Variants in TMEM132D observed in about 807,000 individuals in gnomAD.
TMEM132D encodes mature OL transmembrane protein.
In TMEM132D, 21 loss-of-function variants were observed where a neutral mutation model predicts 62.3. The ratio of observed to expected loss-of-function variants is 0.34; its 90% CI spans 0.24 to 0.49. The LOEUF (loss-of-function observed/expected upper bound fraction) is 0.49, where lower values mean the gene tolerates loss of function less well. Among genes scored for constraint, TMEM132D ranks in the 20% least tolerant of loss-of-function variants. The probability of loss-of-function intolerance (pLI) is 0.99; values close to 1 mark genes in which losing one functional copy is unlikely to be tolerated. For synonymous variants in TMEM132D, 621 were observed against 575.6 expected (o/e 1.08, Z -1.13); for missense variants, 1,346 against 1,402.8 (o/e 0.96, Z 0.65).
chr12:129,420,306 G>GTTTTTTTTTTTTTTTTTTTT lies in TMEM132D; in HGVS notation c.1116-82509_1116-82490dup, dbSNP rs71082709. ...AATTTCAAATTATTGCACGTTCTCT[G>GTTTTTTTTTTTTTTTTTTTT]TTTTTTTTTTTTTTTTTTTTTTTTG... On this transcript the variant is annotated intron_variant, in intron 3 of 8. Coordinates refer to ENST00000422113, the MANE Select transcript of TMEM132D (RefSeq NM_133448.3). 3.5e-4 allele frequency among the ~76,000 whole-genome samples: 39 copies of GTTTTTTTTTTTTTTTTTTTT among 112,296 alleles called. 3 individuals are homozygous for GTTTTTTTTTTTTTTTTTTTT. The highest frequency in any genetic ancestry group is 7.2e-4 in the East Asian group (2 of 2,796). The allele number at this position is 112,296 out of a possible 152,430, so 73.7% of individuals were successfully genotyped here.
Position 129,324,862 on chromosome 12 carries a change from T to C in TMEM132D, c.1299+12772A>G, listed in dbSNP as rs1417472772. ...AGAAAAAAAGTGATAACTACTTTAA[T>C]TTTTTTGCATGTGAATATCCCCAAA... On this transcript the variant is annotated intron_variant, in intron 4 of 8. Transcript: ENST00000422113. Among the ~76,000 whole-genome samples, 4 of 152,188 alleles carry C rather than the reference T, an allele frequency of 2.6e-5. No individual in the cohort carries two copies. In the East Asian group the frequency reaches 7.7e-4, roughly 29 times the overall value.
chr12:129,279,874 T>C (rs969539332), intron 4 of TMEM132D, among the ~76,000 whole-genome samples: 1 of 152,198 alleles, frequency 6.6e-6, no homozygotes, highest in Admixed American at 6.5e-5. Flanking sequence ...ATAATTCCAT[T>C]GTATCTGAAG....
intron 2 of TMEM132D, among the ~76,000 whole-genome samples, chr12:129,633,844 TG>T (rs1879411736): frequency 6.6e-6 from 1 of 152,214 alleles, no homozygotes; most frequent in South Asian, 2.1e-4. Flanking sequence ...ACAGTGGATT[TG>T]GAGCCTTTTG....
At chr12:129,527,884 A>T (rs1876094873) in intron 3 of TMEM132D, among the ~76,000 whole-genome samples, 1 of 152,246 alleles carries the variant, frequency 6.6e-6, no homozygotes, top group African/African-American at 2.4e-5. Context: ...ACAGGGAAGG[A>T]TGCAGTTAAA....
Position 129,073,679 on chromosome 12 carries a change from C to CTGTACTCTGGA in TMEM132D, c.*185_*195dup. ...CATGATAAACCTCTTAAGCAAGACA[C>CTGTACTCTGGA]TGTACTCTGGAATGTGTGCGTCGAT... On this transcript the variant is annotated 3_prime_UTR_variant, in exon 9 of 9. Coordinates refer to ENST00000422113, the MANE Select transcript of TMEM132D (RefSeq NM_133448.3). 2.0e-6 allele frequency: 1 copy of CTGTACTCTGGA among 511,740 alleles called. No individual in the cohort carries two copies. Among genetic ancestry groups the CTGTACTCTGGA allele is most frequent in the Non-Finnish European group, 3.4e-6 (1 of 293,954 alleles). The allele number at this position is 511,740 out of a possible 1,614,324, so 31.7% of individuals were successfully genotyped here.
Position 129,272,583 on chromosome 12 carries a change from G to A in TMEM132D, c.1300-62920C>T, listed in dbSNP as rs537854921. 1.5e-3 allele frequency among the ~76,000 whole-genome samples: 230 copies of A among 151,840 alleles called. 7 individuals are homozygous for A. The highest frequency in any genetic ancestry group is 4.3e-3 in the African/African-American group (175 of 41,152). On this transcript the variant is annotated intron_variant, in intron 4 of 8. Coordinates refer to ENST00000422113, the MANE Select transcript of TMEM132D (RefSeq NM_133448.3). ...CATTTTTTATATGTGTTGGCTGCAC[G>A]GATGTCGTCTTTTGAGAAGTGTCTG...
intron 1 of TMEM132D, among the ~76,000 whole-genome samples, chr12:129,859,870 A>T (rs1382520777): frequency 6.6e-6 from 1 of 152,162 alleles, no homozygotes; most frequent in East Asian, 1.9e-4. Flanking sequence ...AGACCGAGCC[A>T]CTACTGGCTT....
chr12:129,720,681 C>A (rs957326715), intron 1 of TMEM132D, among the ~76,000 whole-genome samples: 1 of 152,164 alleles, frequency 6.6e-6, no homozygotes, highest in African/African-American at 2.4e-5. Flanking sequence ...TCCAGACACA[C>A]CTCCCCAGTC....
intron 2 of TMEM132D, among the ~76,000 whole-genome samples, chr12:129,664,120 G>A (rs1281488311): frequency 6.6e-6 from 1 of 152,148 alleles, no homozygotes; most frequent in Non-Finnish European, 1.5e-5. Flanking sequence ...TGCTAACTGA[G>A]TTTAAATGGA....
At chr12:129,829,595 G>A (rs1566000463) in intron 1 of TMEM132D, among the ~76,000 whole-genome samples, 1 of 152,082 alleles carries the variant, frequency 6.6e-6, no homozygotes, top group African/African-American at 2.4e-5. Flanking sequence ...CTCCAGACCT[G>A]GGGTAACAGC....
At chr12:129,318,489 T>C (rs1038839409) in intron 4 of TMEM132D, among the ~76,000 whole-genome samples, 3 of 152,194 alleles carry the variant, frequency 2.0e-5, no homozygotes, top group African/African-American at 7.2e-5. Context: ...AGTCCTGTGA[T>C]GTGATCCATC....
intron 2 of TMEM132D, among the ~76,000 whole-genome samples, chr12:129,545,666 T>C (rs887136625): frequency 6.6e-6 from 1 of 152,192 alleles, no homozygotes; most frequent in African/African-American, 2.4e-5. Flanking sequence ...CTCTGTTCTA[T>C]GAGTTTAACC....
chr12:129,409,242 C>T (rs566796471), intron 3 of TMEM132D, among the ~76,000 whole-genome samples: 22 of 152,128 alleles, frequency 1.4e-4, no homozygotes, highest in African/African-American at 5.3e-4. Context: ...CAGAGAAATT[C>T]TCTTTTATTT....
chr12:129,665,267 G>A (rs1880349653), intron 2 of TMEM132D, among the ~76,000 whole-genome samples: 1 of 152,038 alleles, frequency 6.6e-6, no homozygotes, highest in Non-Finnish European at 1.5e-5. Flanking sequence ...AAGGAAAGCT[G>A]GCCCAAACCT....
intron 3 of TMEM132D, among the ~76,000 whole-genome samples, chr12:129,422,111 G>T (rs1299688660): frequency 1.3e-5 from 1 of 79,592 alleles, no homozygotes; most frequent in Non-Finnish European, 2.7e-5. Flanking sequence ...AAAAAAAAAA[G>T]CTTTTCTACT....
rs1874107502 is a variant in TMEM132D at position 129,072,595 on chromosome 12, C to A, written c.*1280G>T. 1 of 152,260 alleles carries A rather than the reference C, an allele frequency of 6.6e-6. No individual in the cohort carries two copies. Among genetic ancestry groups the A allele is most frequent in the African/African-American group, 2.4e-5 (1 of 41,398 alleles). 9.4% of individuals were successfully genotyped at this position (152,260 alleles called of 1,614,324 possible). On this transcript the variant is annotated 3_prime_UTR_variant, in exon 9 of 9. Transcript: ENST00000422113. ...GATGCCCCTTATCCCTTCGCACCTCCAAGATGAAGAAGGTTTCTGTGCTGT... is the reference window on the plus strand; with the variant it reads ...GATGCCCCTTATCCCTTCGCACCTCAAAGATGAAGAAGGTTTCTGTGCTGT...
At chr12:129,347,674 C>T (rs759487644) in intron 3 of TMEM132D, among the ~76,000 whole-genome samples, 2 of 152,048 alleles carry the variant, frequency 1.3e-5, no homozygotes, top group Non-Finnish European at 2.9e-5. Context: ...ACTAAAACAC[C>T]AAAAGCAATG....
intron 2 of TMEM132D, among the ~76,000 whole-genome samples, chr12:129,639,660 T>C (rs953485513): frequency 6.6e-6 from 1 of 152,020 alleles, no homozygotes; most frequent in Non-Finnish European, 1.5e-5. Context: ...AAAGTACAAG[T>C]CAGGGTGCAT....
intron 3 of TMEM132D, among the ~76,000 whole-genome samples, chr12:129,462,904 G>T (rs1048397264): frequency 6.6e-6 from 1 of 152,156 alleles, no homozygotes; most frequent in Admixed American, 6.5e-5. Context: ...CTGCTTGTAT[G>T]AGAAGGGCAA....
Sources: gnomAD v4.1 joint callset for allele counts (sites outside exome capture counted in the v4.1 genomes callset) on GRCh38, gnomAD v4.1.1 for gene constraint, MANE v1.5 for transcripts, NCBI Gene and HGNC (gene_info 2026-07-23, HGNC 2026-07-21) for gene names.